The following SLC26A8 variants were observed in gnomAD, a reference collection of about 807,000 sequenced individuals.
SLC26A8 encodes the protein solute carrier family 26 member 8.
In SLC26A8, 70 loss-of-function variants were observed where a neutral mutation model predicts 105.0. The ratio of observed to expected loss-of-function variants is 0.67; its 90% CI spans 0.55 to 0.81. The LOEUF (loss-of-function observed/expected upper bound fraction) is 0.81, where lower values mean the gene tolerates loss of function less well. Among genes scored for constraint, SLC26A8 ranks in the 40% least tolerant of loss-of-function variants. SLC26A8 has a pLI of 0.00. For missense variants in SLC26A8, 998 were observed against 1,181.8 expected (o/e 0.84, Z 2.28); for synonymous variants, 415 against 438.3 (o/e 0.95, Z 0.66).
intron 8 of SLC26A8, among the ~76,000 whole-genome samples, chr6:35,978,140 C>A (rs1260863990): frequency 1.0e-4 from 11 of 105,366 alleles, no homozygotes; most frequent in Non-Finnish European, 1.5e-4. Flanking sequence ...ATAGACAGCA[C>A]AAGAAGAAAA....
chr6:35,988,844 T>G (rs1773635655), intron 7 of SLC26A8, among the ~76,000 whole-genome samples: 1 of 147,348 alleles, frequency 6.8e-6, no homozygotes, highest in African/African-American at 2.5e-5. Flanking sequence ...CTATACGGTT[T>G]TTTTTTTTTT....
intron 17 of SLC26A8, among the ~76,000 whole-genome samples, chr6:35,954,614 T>C (rs781207223): frequency 1.3e-5 from 2 of 152,226 alleles, no homozygotes; most frequent in African/African-American, 4.8e-5. Flanking sequence ...TAATGTTTTA[T>C]GCTTACCAAA....
chr6:35,992,697 G>T, intron 5 of SLC26A8, 23 bp from the exon 6 acceptor site: 1 of 1,586,798 alleles, frequency 6.3e-7, no homozygotes, highest in Non-Finnish European at 8.6e-7. Flanking sequence ...GAAAACCAGA[G>T]TGGGGTAGAA....
chr6:35,949,331 C>G (rs919244846), intron 19 of SLC26A8, among the ~76,000 whole-genome samples: 2 of 152,026 alleles, frequency 1.3e-5, no homozygotes, highest in Admixed American at 1.3e-4. Context: ...ACCTGGAAGG[C>G]TGAGGCAGGA....
Position 36,014,388 on chromosome 6 carries a change from G to T in SLC26A8, c.189-2016C>A, listed in dbSNP as rs1761941192. On this transcript the variant is annotated intron_variant, in intron 2 of 19. Coordinates refer to ENST00000490799, the MANE Select transcript of SLC26A8 (RefSeq NM_052961.4). Reference sequence around the variant, plus strand: ...TGAAGCTGACGGGGGAATAATATTAGCATTTAGACATGAATCTGGATTTCA... The same window carrying T: ...TGAAGCTGACGGGGGAATAATATTATCATTTAGACATGAATCTGGATTTCA... Among the ~76,000 whole-genome samples the T allele has an allele frequency of 2.6e-5, 4 of 152,284 alleles. No individual in the cohort carries two copies. In the South Asian group the frequency reaches 8.3e-4, roughly 32 times the overall value.
chr6:35,986,024 C>CTTTTTTT (rs34715373), intron 7 of SLC26A8, among the ~76,000 whole-genome samples: 7 of 71,378 alleles, frequency 9.8e-5, no homozygotes, highest in South Asian at 6.4e-4. Context: ...ACATATACAT[C>CTTTTTTT]TTTTTTTTTT....
chr6:35,966,875 C>T (rs1458473600), intron 11 of SLC26A8, among the ~76,000 whole-genome samples: 1 of 152,102 alleles, frequency 6.6e-6, no homozygotes, highest in Non-Finnish European at 1.5e-5. Context: ...TGTTCTGTCC[C>T]CAACGTGTTT....
At chr6:36,014,618 A>G (rs1193404858) in intron 2 of SLC26A8, among the ~76,000 whole-genome samples, 6 of 152,236 alleles carry the variant, frequency 3.9e-5, no homozygotes, top group African/African-American at 1.2e-4. Context: ...GCGGTGGCTC[A>G]TGCCTGTAAT....
At chr6:36,014,653 G>A (rs1351446105) in intron 2 of SLC26A8, among the ~76,000 whole-genome samples, 4 of 152,082 alleles carry the variant, frequency 2.6e-5, no homozygotes, top group South Asian at 2.1e-4. Context: ...AGGCCAAGGC[G>A]GGCGGATCAC....
In SLC26A8 at chr6:35,951,856, G is replaced by A. The variant is rs546403888; in HGVS notation, c.2233-357C>T. Among the ~76,000 whole-genome samples, 8 of 152,308 alleles carry A rather than the reference G, an allele frequency of 5.3e-5. No homozygotes were observed. The South Asian group carries it at 6.2e-4, about 12-fold the overall frequency. On this transcript the variant is annotated intron_variant, in intron 17 of 19. Transcript: ENST00000490799. ...GTCCCAAAATGCTGGGATTACAGGC[G>A]TGGGCCACTGCACCCAGCCAATTAG...
intron 11 of SLC26A8, among the ~76,000 whole-genome samples, chr6:35,963,655 T>G (rs1187679270): frequency 6.6e-6 from 1 of 152,210 alleles, no homozygotes; most frequent in Non-Finnish European, 1.5e-5. Context: ...TCTGCTTCTG[T>G]TACTTTTGGT....
chr6:35,996,906 G>A (rs1761370543), intron 5 of SLC26A8, among the ~76,000 whole-genome samples: 1 of 151,978 alleles, frequency 6.6e-6, no homozygotes, highest in South Asian at 2.1e-4. Flanking sequence ...GTGGTGGCAT[G>A]CACCTGTAAT....
At chr6:35,961,257 A>G (rs1231353896) in intron 12 of SLC26A8, among the ~76,000 whole-genome samples, 158 bp from the exon 13 acceptor site, 1 of 152,142 alleles carries the variant, frequency 6.6e-6, no homozygotes, top group Non-Finnish European at 1.5e-5. Context: ...CATGACAAAC[A>G]ATGGGGCCCT....
chr6:36,003,173 T>C (rs1761574747), intron 3 of SLC26A8, among the ~76,000 whole-genome samples: 1 of 152,216 alleles, frequency 6.6e-6, no homozygotes, highest in Non-Finnish European at 1.5e-5. Flanking sequence ...TATTCCAAAA[T>C]GTCTTTTTTG....
At chr6:35,968,507 G>A (rs1014752521) in intron 11 of SLC26A8, among the ~76,000 whole-genome samples, 22 of 149,200 alleles carry the variant, frequency 1.5e-4, no homozygotes, top group Non-Finnish European at 3.3e-4. Flanking sequence ...TGTTTCTTGA[G>A]TGTTTACTAT....
intron 7 of SLC26A8, among the ~76,000 whole-genome samples, chr6:35,983,398 A>AT (rs1228238471): frequency 6.6e-6 from 1 of 152,340 alleles, no homozygotes; most frequent in Admixed American, 6.5e-5. Flanking sequence ...CTATTGTTAC[A>AT]TTTTTTGTTT....
At chr6:35,985,641 T>C (rs1248454200) in intron 7 of SLC26A8, among the ~76,000 whole-genome samples, 3 of 135,990 alleles carry the variant, frequency 2.2e-5, no homozygotes, top group Non-Finnish European at 4.5e-5. Flanking sequence ...TGCAGTGAGC[T>C]GAGATTGCGC....
intron 1 of SLC26A8, among the ~76,000 whole-genome samples, chr6:36,023,761 A>C (rs546576939): frequency 6.3e-4 from 96 of 152,228 alleles, no homozygotes; most frequent in Non-Finnish European, 1.2e-3. Flanking sequence ...TTCCATCAGA[A>C]ACAACCCTAC....
At position 35,974,305 on chromosome 6, in the gene SLC26A8, A is replaced by G. The variant is rs139731765; in HGVS notation, c.1287+1070T>C. 1.6e-3 allele frequency among the ~76,000 whole-genome samples: 245 copies of G among 152,290 alleles called. 2 individuals carry two copies. Among genetic ancestry groups the G allele is most frequent in the African/African-American group, 5.6e-3 (234 of 41,564 alleles). ...TGCACTCCAGCCTGGGTGACAGAGC[A>G]AGACTGTGTCTCAAAACAAAAACAA... On this transcript the variant is annotated intron_variant, in intron 10 of 19. Coordinates refer to ENST00000490799, the MANE Select transcript of SLC26A8 (RefSeq NM_052961.4).
Sources: allele counts gnomAD v4.1 joint callset (sites outside exome capture counted in the v4.1 genomes callset), GRCh38; gene constraint gnomAD v4.1.1; transcripts MANE v1.5; gene names NCBI Gene and HGNC (gene_info 2026-07-23, HGNC 2026-07-21).